The following KCNIP1 variants were observed in gnomAD, a reference collection of about 807,000 sequenced individuals.
The protein encoded by KCNIP1 is A-type potassium channel modulatory protein KCNIP1.
In KCNIP1, 18 loss-of-function variants were observed where a neutral mutation model predicts 33.0. That is an observed-to-expected ratio of 0.55 (90% confidence interval 0.38 to 0.81). The LOEUF is 0.81. Among genes scored for constraint, KCNIP1 ranks in the 30% least tolerant of loss-of-function variants. KCNIP1 has a pLI of 0.00. For synonymous variants in KCNIP1, 93 were observed against 98.3 expected, an observed-to-expected ratio of 0.95 and a Z score of 0.32; for missense variants, 238 against 271.6, an observed-to-expected ratio of 0.88 and a Z score of 0.87.
intron 1 of KCNIP1, among the ~76,000 whole-genome samples, chr5:170,384,125 T>C (rs2113343009): frequency 6.6e-6 from 1 of 152,328 alleles, no homozygotes; most frequent in East Asian, 1.9e-4. Context: ...TCTAAAAAGA[T>C]TCCCGTGTCC....
chr5:170,436,886 G>T (rs569322707), intron 1 of KCNIP1, among the ~76,000 whole-genome samples: 1 of 152,264 alleles, frequency 6.6e-6, no homozygotes, highest in South Asian at 2.1e-4. Context: ...GGGGAGAAAA[G>T]ATTTCTTTCC....
At chr5:170,568,836 C>G (rs1757297375) in intron 1 of KCNIP1, among the ~76,000 whole-genome samples, 1 of 151,768 alleles carries the variant, frequency 6.6e-6, no homozygotes, top group African/African-American at 2.4e-5. Context: ...AAAGAAAAGA[C>G]AAAAGAAAGT....
intron 1 of KCNIP1, among the ~76,000 whole-genome samples, chr5:170,512,208 TAG>T (rs1357238743): frequency 1.3e-5 from 2 of 152,240 alleles, no homozygotes; most frequent in Non-Finnish European, 1.5e-5. Context: ...TCAGTGAAGA[TAG>T]AGTGTTTAAA....
At chr5:170,406,923 G>T (rs952430029) in intron 1 of KCNIP1, among the ~76,000 whole-genome samples, 3 of 152,196 alleles carry the variant, frequency 2.0e-5, no homozygotes, top group Non-Finnish European at 2.9e-5. Context: ...AACCCCAAGA[G>T]ATGTGGGGGC....
intron 1 of KCNIP1, among the ~76,000 whole-genome samples, chr5:170,608,575 C>G (rs992730075): frequency 1.3e-5 from 2 of 152,076 alleles, no homozygotes; most frequent in Middle Eastern, 3.2e-3. Context: ...AGTTTGAGAC[C>G]AGCCTGGCCA....
chr5:170,720,510 G>A (rs913541605), intron 3 of KCNIP1, 120 bp downstream of exon 3: 1 of 769,664 alleles, frequency 1.3e-6, no homozygotes, highest in African/African-American at 1.7e-5. Flanking sequence ...CAAACTCAGG[G>A]CAGGACACCT....
chr5:170,449,406 C>T (rs980502283), intron 1 of KCNIP1, among the ~76,000 whole-genome samples: 6 of 152,172 alleles, frequency 3.9e-5, no homozygotes, highest in Non-Finnish European at 5.9e-5. Flanking sequence ...CCACAGTTTT[C>T]TGAGGCCCAG....
intron 1 of KCNIP1, among the ~76,000 whole-genome samples, chr5:170,368,981 G>C (rs1016736446): frequency 1.3e-5 from 2 of 152,324 alleles, no homozygotes; most frequent in South Asian, 4.1e-4. Flanking sequence ...GAGACAGAGA[G>C]AAAATCCAAA....
chr5:170,693,972 G>T (rs1043994524), intron 1 of KCNIP1, among the ~76,000 whole-genome samples: 3 of 152,172 alleles, frequency 2.0e-5, no homozygotes, highest in Non-Finnish European at 4.4e-5. Context: ...TCACTCCAGA[G>T]GAGAGCCTCA....
chr5:170,545,565 T>G (rs911017814), intron 1 of KCNIP1, among the ~76,000 whole-genome samples: 2 of 152,232 alleles, frequency 1.3e-5, no homozygotes, highest in African/African-American at 4.8e-5. Flanking sequence ...TAATGTTCCT[T>G]TCTCTTTTCT....
At chr5:170,660,200 T>C (rs1192734610) in intron 1 of KCNIP1, among the ~76,000 whole-genome samples, 10 of 152,170 alleles carry the variant, frequency 6.6e-5, no homozygotes, top group Non-Finnish European at 1.2e-4. Context: ...TCAGAACTTC[T>C]GGCACAGCCC....
chr5:170,477,974 A>G (rs1419528998), intron 1 of KCNIP1, among the ~76,000 whole-genome samples: 8 of 152,208 alleles, frequency 5.3e-5, no homozygotes, highest in Admixed American at 4.6e-4. Flanking sequence ...GGAAGATGGT[A>G]CCAATTGAAC....
chr5:170,670,159 G>T (rs892105245), intron 1 of KCNIP1, among the ~76,000 whole-genome samples: 1 of 152,170 alleles, frequency 6.6e-6, no homozygotes, highest in African/African-American at 2.4e-5. Flanking sequence ...CTATATTGAG[G>T]ATCGAAAGGC....
At chr5:170,659,565 C>A (rs1417968352) in intron 1 of KCNIP1, among the ~76,000 whole-genome samples, 1 of 152,166 alleles carries the variant, frequency 6.6e-6, no homozygotes, top group Non-Finnish European at 1.5e-5. Context: ...TCCTTTCTCC[C>A]TTTCTCCTTC....
chr5:170,589,787 G>A, intron 1 of KCNIP1, among the ~76,000 whole-genome samples: 1 of 142,012 alleles, frequency 7.0e-6, no homozygotes, highest in South Asian at 2.2e-4. Context: ...GGTGTGATGT[G>A]ATGTGGTGTG....
intron 1 of KCNIP1, among the ~76,000 whole-genome samples, chr5:170,471,403 C>T (rs1460891469): frequency 6.6e-6 from 1 of 152,230 alleles, no homozygotes; most frequent in Non-Finnish European, 1.5e-5. Flanking sequence ...TCAATGTCTG[C>T]AGACCAGATC....
chr5:170,472,893 T>C (rs1756768953), intron 1 of KCNIP1, among the ~76,000 whole-genome samples: 1 of 152,210 alleles, frequency 6.6e-6, no homozygotes, highest in African/African-American at 2.4e-5. Flanking sequence ...TATAAACATG[T>C]GTGTGCAAGT....
intron 1 of KCNIP1, chr5:170,422,853 G>C (rs534739291): frequency 6.6e-6 from 1 of 152,278 alleles, no homozygotes; most frequent in South Asian, 2.1e-4. Flanking sequence ...TGTTATCCTG[G>C]GGCAGGCGGA....
intron 1 of KCNIP1, among the ~76,000 whole-genome samples, chr5:170,700,590 A>T (rs1763058162): frequency 6.6e-6 from 1 of 152,122 alleles, no homozygotes; most frequent in South Asian, 2.1e-4. Context: ...TATTCATTTA[A>T]TATCTGTTGC....
Sources: allele counts gnomAD v4.1 joint callset (sites outside exome capture counted in the v4.1 genomes callset), GRCh38; gene constraint gnomAD v4.1.1; transcripts MANE v1.5; gene names NCBI Gene and HGNC (gene_info 2026-07-23, HGNC 2026-07-21).